Variants in RARB observed in about 807,000 individuals in gnomAD.
RARB encodes the protein retinoic acid receptor beta.
A neutral mutation model predicts 51.9 loss-of-function variants in RARB; 17 were observed. The observed-to-expected ratio is 0.33, with a 90% confidence interval of 0.22 to 0.49. The LOEUF is 0.49. RARB is among the 20% of genes least tolerant of loss of function. RARB has a pLI of 0.99. For synonymous variants in RARB, 215 were observed against 195.4 expected (o/e 1.10, Z -0.84); for missense variants, 369 against 550.8 (o/e 0.67, Z 3.30).
intron 4 of RARB, among the ~76,000 whole-genome samples, chr3:25,139,839 A>T (rs1261795398): frequency 2.0e-5 from 3 of 152,170 alleles, no homozygotes; most frequent in African/African-American, 7.2e-5. Flanking sequence ...TGATGACTTT[A>T]AGCCAATGCT....
chr3:25,596,765 AT>A lies in RARB; in HGVS notation c.*150del. The A allele has an allele frequency of 1.6e-6, 1 of 625,616 alleles. No homozygotes were observed. The highest frequency in any genetic ancestry group is 2.6e-6 in the Non-Finnish European group (1 of 377,918). The allele number at this position is 625,616 out of a possible 1,614,324, so 38.8% of individuals were successfully genotyped here. On this transcript the variant is annotated 3_prime_UTR_variant, in exon 8 of 8. Coordinates refer to ENST00000330688, the MANE Select transcript of RARB (RefSeq NM_000965.5). ...CCAAGAAGTTTTCATATGTATCAATATATATACTCCTCACTGTGTAACTTAC... is the reference window on the plus strand; with the variant it reads ...CCAAGAAGTTTTCATATGTATCAATAATATACTCCTCACTGTGTAACTTAC...
At chr3:25,423,472 TATC>T (rs1215356980), upstream of RARB, among the ~76,000 whole-genome samples, 1 of 152,232 alleles carries the variant, frequency 6.6e-6, no homozygotes, top group African/African-American at 2.4e-5. Flanking sequence ...GAGCAATATG[TATC>T]ATAAGACCAT....
chr3:24,926,903 TAAGTG>T (rs1423063495), intron 2 of RARB, among the ~76,000 whole-genome samples: 1 of 152,074 alleles, frequency 6.6e-6, no homozygotes, highest in African/African-American at 2.4e-5. Context: ...CTTAAGAAAT[TAAGTG>T]AAAAGACTAG....
intron 5 of RARB, among the ~76,000 whole-genome samples, chr3:25,395,999 G>A (rs1707103248): frequency 6.6e-6 from 1 of 152,168 alleles, no homozygotes; most frequent in Non-Finnish European, 1.5e-5. Context: ...ATGTCAGAGG[G>A]AGGATCTGGG....
intron 5 of RARB, among the ~76,000 whole-genome samples, chr3:25,358,258 T>G (rs1705813151): frequency 6.6e-6 from 1 of 152,094 alleles, no homozygotes. Flanking sequence ...AATGGGACTT[T>G]GCTCATGATT....
intron 1 of RARB, among the ~76,000 whole-genome samples, chr3:25,434,103 G>T (rs562085215): frequency 6.6e-6 from 1 of 152,192 alleles, no homozygotes; most frequent in African/African-American, 2.4e-5. Context: ...TCAGCAAGGC[G>T]ACTCAACCTG....
intron 2 of RARB, among the ~76,000 whole-genome samples, chr3:24,922,224 T>C (rs1346148924): frequency 1.1e-4 from 16 of 152,160 alleles, no homozygotes; most frequent in Non-Finnish European, 2.2e-4. Context: ...ACCTGTAAAA[T>C]GGAGATAAAA....
rs987070079 is a variant in RARB at position 25,031,984 on chromosome 3, C to T, written c.-379-28141C>T. Among the ~76,000 whole-genome samples, 8 of 152,158 alleles carry T rather than the reference C, an allele frequency of 5.3e-5. 1 individual carries two copies. Among genetic ancestry groups the T allele is most frequent in the African/African-American group, 1.9e-4 (8 of 41,506 alleles). Reference sequence around the variant, plus strand: ...TGTTAGAGTTGATAATTTATTATTCCTCAGAGAGTTTGCCTTTATTAAAGC... The same window carrying T: ...TGTTAGAGTTGATAATTTATTATTCTTCAGAGAGTTTGCCTTTATTAAAGC... On this transcript the variant is annotated intron_variant, in intron 2 of 11. Transcript: ENST00000383772.
rs1456875685 is a variant in RARB at position 25,265,433 on chromosome 3, C to CA, written c.178+90865dup. 4.6e-5 allele frequency among the ~76,000 whole-genome samples: 7 copies of CA among 152,170 alleles called. No homozygotes were observed. In the East Asian group the frequency reaches 7.7e-4, roughly 17 times the overall value. ...TTCCTCACTGTTTCCCTTGCTACTA[C>CA]AAAAAAACAACCACAAATTTGGCAG... On this transcript the variant is annotated intron_variant, in intron 5 of 11. Coordinates refer to the RARB transcript ENST00000383772.
intron 2 of RARB, among the ~76,000 whole-genome samples, chr3:24,921,977 G>A (rs754264533): frequency 5.3e-5 from 8 of 152,150 alleles, no homozygotes; most frequent in Non-Finnish European, 7.3e-5. Context: ...AGATCTCAGC[G>A]GACAGTACTG....
At chr3:25,174,496 C>T (rs552167642) in exon 5 of RARB, 27 of 1,352,116 alleles carry the variant, frequency 2.0e-5, no homozygotes, top group Middle Eastern at 2.1e-4. Flanking sequence ...CACCTGTCAT[C>T]GGAGGACTTT....
At chr3:25,114,309 A>C (rs1367131355) in intron 3 of RARB, among the ~76,000 whole-genome samples, 1 of 152,198 alleles carries the variant, frequency 6.6e-6, no homozygotes, top group Non-Finnish European at 1.5e-5. Flanking sequence ...CCATGTGCCC[A>C]AACCAGACGG....
At chr3:25,594,868 AC>A (rs944071680) in intron 7 of RARB, among the ~76,000 whole-genome samples, 190 bp downstream of exon 7, 1 of 151,320 alleles carries the variant, frequency 6.6e-6, no homozygotes, top group Non-Finnish European at 1.5e-5. Context: ...CTCAAATCTT[AC>A]CCTATTCAAT....
At chr3:25,429,073 TTTCTTCC>T (rs1708098179) in intron 1 of RARB, among the ~76,000 whole-genome samples, 185 bp downstream of exon 1, 1 of 152,180 alleles carries the variant, frequency 6.6e-6, no homozygotes, top group Non-Finnish European at 1.5e-5. Flanking sequence ...TGTTAGATGT[TTTCTTCC>T]CAAATAACCC....
intron 2 of RARB, among the ~76,000 whole-genome samples, chr3:25,040,379 C>T (rs1431974433): frequency 6.6e-6 from 1 of 152,122 alleles, no homozygotes; most frequent in Non-Finnish European, 1.5e-5. Flanking sequence ...GAATCCATTA[C>T]TATGGTTTCT....
At chr3:25,521,926 TAG>T (rs1698417549) in intron 3 of RARB, among the ~76,000 whole-genome samples, 1 of 152,026 alleles carries the variant, frequency 6.6e-6, no homozygotes, top group Non-Finnish European at 1.5e-5. Flanking sequence ...CCAAATACAG[TAG>T]AGAGAGAGCT....
intron 3 of RARB, among the ~76,000 whole-genome samples, chr3:25,095,281 A>G (rs1270526190): frequency 6.6e-6 from 1 of 152,234 alleles, no homozygotes; most frequent in African/African-American, 2.4e-5. Flanking sequence ...AACCACTGCC[A>G]TCTCTTTCAA....
At chr3:24,937,814 C>T (rs1044327176) in intron 2 of RARB, among the ~76,000 whole-genome samples, 4 of 151,806 alleles carry the variant, frequency 2.6e-5, no homozygotes, top group African/African-American at 7.3e-5. Context: ...AAAAATGGGG[C>T]GACACTTTAA....
chr3:25,409,237 A>C (rs894979239), intron 5 of RARB, among the ~76,000 whole-genome samples: 16 of 152,266 alleles, frequency 1.1e-4, no homozygotes, highest in African/African-American at 3.1e-4. Context: ...ACATAAGAAA[A>C]AAAATTTTCA....
Sources: allele counts gnomAD v4.1 joint callset (sites outside exome capture counted in the v4.1 genomes callset), GRCh38; gene constraint gnomAD v4.1.1; transcripts MANE v1.5; gene names NCBI Gene and HGNC (gene_info 2026-07-23, HGNC 2026-07-21).